The following DEPDC1B variants were observed in gnomAD, a reference collection of about 807,000 sequenced individuals.
DEPDC1B encodes DEP domain containing 1B.
A neutral mutation model predicts 66.5 loss-of-function variants in DEPDC1B; 51 were observed. The ratio of observed to expected loss-of-function variants is 0.77; its 90% CI spans 0.61 to 0.97. The LOEUF is 0.97. Ranked by LOEUF, DEPDC1B falls within the 50% of genes least tolerant of loss-of-function variation. The pLI is 0.00. For synonymous variants in DEPDC1B, 226 were observed against 223.6 expected (o/e 1.01, Z -0.10); for missense variants, 552 against 637.1 (o/e 0.87, Z 1.44).
chr5:60,646,054 T>C (rs1006038418), intron 3 of DEPDC1B, among the ~76,000 whole-genome samples: 11 of 152,224 alleles, frequency 7.2e-5, no homozygotes, highest in African/African-American at 2.4e-4. Flanking sequence ...CTATTTTTTA[T>C]AAGCAAATAT....
chr5:60,654,694 T>G (rs1174897908), intron 2 of DEPDC1B, among the ~76,000 whole-genome samples: 1 of 148,868 alleles, frequency 6.7e-6, no homozygotes, highest in Non-Finnish European at 1.5e-5. Context: ...TCAGCATCCT[T>G]GTCTTTTTCC....
chr5:60,633,188 C>T, intron 7 of DEPDC1B, among the ~76,000 whole-genome samples: 1 of 152,190 alleles, frequency 6.6e-6, no homozygotes, highest in East Asian at 1.9e-4. Context: ...TCCATGTCTG[C>T]TTCTCTCTAG....
Position 60,597,880 on chromosome 5 carries a change from C to G in DEPDC1B, c.1463G>C (p.Arg488Pro), listed in dbSNP as rs375582832. Residue 488 changes from arginine (R) to proline (P), a missense_variant, in exon 11 of 11, where the codon CGA becomes CCA. Transcript: ENST00000265036. ...TGCTGCACTTTCTGGTGTAGGAAAT[C>G]GTTCTTGATAGACTTCAGGATAGGA... ...QKSYPEVYQE[R>P]FPTPESAALL... 1.9e-6 allele frequency: 3 copies of G among 1,611,578 alleles called. No homozygotes were observed. Among genetic ancestry groups the G allele is most frequent in the East Asian group, 4.5e-5 (2 of 44,742 alleles).
chr5:60,665,975 C>T (rs1460923949), intron 2 of DEPDC1B, among the ~76,000 whole-genome samples: 1 of 152,188 alleles, frequency 6.6e-6, no homozygotes, highest in Non-Finnish European at 1.5e-5. Context: ...CCCTTAGGGT[C>T]CCTCCCATTG....
At chr5:60,667,995 ATATATAAAATGGATATTT>A (rs1213754381) in intron 2 of DEPDC1B, among the ~76,000 whole-genome samples, 8 of 112,572 alleles carry the variant, frequency 7.1e-5, no homozygotes, top group African/African-American at 2.9e-4. Context: ...TGGATATTAT[ATATATAAAATGGATATTT>A]TATATATATA....
At chr5:60,699,579 G>GC (rs1336887504) in intron 1 of DEPDC1B, among the ~76,000 whole-genome samples, 1 of 152,108 alleles carries the variant, frequency 6.6e-6, no homozygotes, top group Non-Finnish European at 1.5e-5. Flanking sequence ...CCAGCGCGAT[G>GC]CCCCTCTGTT....
chr5:60,697,951 C>A (rs1372675778), intron 1 of DEPDC1B, among the ~76,000 whole-genome samples: 5 of 152,008 alleles, frequency 3.3e-5, no homozygotes, highest in Non-Finnish European at 7.4e-5. Context: ...TATATATGGA[C>A]CCTCTGCATC....
At chr5:60,688,904 G>A in intron 1 of DEPDC1B, 1 of 407,010 alleles carries the variant, frequency 2.5e-6, no homozygotes, top group South Asian at 1.9e-5. Context: ...ATATCCCATT[G>A]CTTCCACTTT....
At chr5:60,641,078 T>G (rs143537035) in intron 6 of DEPDC1B, among the ~76,000 whole-genome samples, 23 of 152,300 alleles carry the variant, frequency 1.5e-4, no homozygotes, top group African/African-American at 5.3e-4. Flanking sequence ...CCACCTAGTA[T>G]CATGCCACCT....
intron 2 of DEPDC1B, among the ~76,000 whole-genome samples, chr5:60,651,760 G>GA (rs1412484786): frequency 1.3e-5 from 2 of 152,108 alleles, no homozygotes; most frequent in East Asian, 3.8e-4. Flanking sequence ...GGAAGGTGGA[G>GA]AAAAAAATCT....
chr5:60,686,901 T>G, intron 2 of DEPDC1B, 61 bp downstream of exon 2: 2 of 1,589,580 alleles, frequency 1.3e-6, no homozygotes, highest in Non-Finnish European at 1.7e-6. Flanking sequence ...TTCAACAGAC[T>G]TGGACCAGAT....
chr5:60,638,805 G>A lies in DEPDC1B; in HGVS notation c.843C>T (p.His281=). ...GAAATGTAAGTAGAGGCTCTTTCAAGTGACCATAGTAATCAGCTATGGTTT... is the reference window on the plus strand; with the variant it reads ...GAAATGTAAGTAGAGGCTCTTTCAAATGACCATAGTAATCAGCTATGGTTT... The part of the protein sequence containing the change: ...VFKTIADYYG[H]LKEPLLTFHL... Residue 281 remains histidine (H), a synonymous_variant, in exon 7 of 11, where the codon CAC becomes CAT. Transcript: ENST00000265036. 1.9e-6 allele frequency: 3 copies of A among 1,612,950 alleles called. No individual in the cohort carries two copies. Among genetic ancestry groups the A allele is most frequent in the Non-Finnish European group, 2.5e-6 (3 of 1,179,440 alleles).
intron 1 of DEPDC1B, among the ~76,000 whole-genome samples, chr5:60,695,420 C>T (rs1005892187): frequency 2.6e-5 from 4 of 152,072 alleles, no homozygotes; most frequent in Non-Finnish European, 5.9e-5. Flanking sequence ...ACAATCAGAT[C>T]GCACATGAAC....
intron 7 of DEPDC1B, among the ~76,000 whole-genome samples, chr5:60,626,987 G>A (rs186104086): frequency 2.6e-5 from 4 of 152,200 alleles, no homozygotes; most frequent in Admixed American, 2.0e-4. Flanking sequence ...TATAATACTT[G>A]TGAAGTCCTT....
In DEPDC1B at chr5:60,661,893, A is replaced by G. The variant is rs192209377; in HGVS notation, c.315-14360T>C. ...GACATTTACTAACTTGCGTGCTAGA[A>G]GGACTTTAAAAAACTAGGAAAAAGC... On this transcript the variant is annotated intron_variant, in intron 2 of 10. Transcript: ENST00000265036. Among the ~76,000 whole-genome samples, 845 of 152,326 alleles carry G rather than the reference A, an allele frequency of 5.5e-3. 5 individuals are homozygous for G. The highest frequency in any genetic ancestry group is 8.2e-3 in the Non-Finnish European group (559 of 68,036).
chr5:60,603,601 A>T (rs766621964), intron 8 of DEPDC1B, 34 bp from the exon 9 acceptor site: 1 of 1,538,882 alleles, frequency 6.5e-7, no homozygotes, highest in East Asian at 2.3e-5. Flanking sequence ...GTAAACGCAG[A>T]TGAGTATTTT....
chr5:60,660,321 GGAGA>G (rs59091677), intron 2 of DEPDC1B, among the ~76,000 whole-genome samples: 14 of 148,306 alleles, frequency 9.4e-5, no homozygotes, highest in Admixed American at 3.3e-4. Context: ...ACAAAGGGGG[GGAGA>G]GAGAGAGAGA....
intron 2 of DEPDC1B, among the ~76,000 whole-genome samples, chr5:60,671,242 G>A (rs1584089565): frequency 1.3e-5 from 2 of 152,240 alleles, no homozygotes; most frequent in South Asian, 4.1e-4. Flanking sequence ...GCAACAATAG[G>A]GGCTATAGTC....
Position 60,662,004 on chromosome 5 carries a change from G to A in DEPDC1B, c.315-14471C>T, listed in dbSNP as rs183118986. Among the ~76,000 whole-genome samples, 3 of 152,270 alleles carry A rather than the reference G, an allele frequency of 2.0e-5. No individual in the cohort carries two copies. The East Asian group carries it at 5.8e-4, about 29-fold the overall frequency. On this transcript the variant is annotated intron_variant, in intron 2 of 10. Coordinates refer to ENST00000265036, the MANE Select transcript of DEPDC1B (RefSeq NM_018369.3). ...TTCTGGAGAGACTAAGGGAGGTACT[G>A]AGAAAGCATACCTCTTTGTCACCTA... is the stretch of plus-strand genomic sequence containing the variant.
Sources: allele counts gnomAD v4.1 joint callset (sites outside exome capture counted in the v4.1 genomes callset), GRCh38; gene constraint gnomAD v4.1.1; transcripts MANE v1.5; gene names NCBI Gene and HGNC (gene_info 2026-07-23, HGNC 2026-07-21).